LRBA: variants seen among roughly 807,000 people sequenced by gnomAD.
LRBA encodes the protein lipopolysaccharide-responsive and beige-like anchor protein.
A neutral mutation model predicts 330.0 loss-of-function variants in LRBA; 176 were observed. The ratio of observed to expected loss-of-function variants is 0.53; its 90% CI spans 0.47 to 0.60. The LOEUF (loss-of-function observed/expected upper bound fraction) is 0.60. Among genes scored for constraint, LRBA ranks in the 20% least tolerant of loss-of-function variants. The probability of loss-of-function intolerance (pLI) is 0.00; values close to 1 mark genes in which losing one functional copy is unlikely to be tolerated. For synonymous variants in LRBA, 1,230 were observed against 1,193.0 expected (o/e 1.03, Z -0.64); for missense variants, 3,259 against 3,444.8 (o/e 0.95, Z 1.35).
At chr4:150,994,062 C>T (rs1220676567) in intron 2 of LRBA, among the ~76,000 whole-genome samples, 5 of 130,472 alleles carry the variant, frequency 3.8e-5, no homozygotes, top group Non-Finnish European at 6.2e-5. Context: ...AAGACTCTGT[C>T]TCAAAAAAAA....
At chr4:150,691,663 A>T (rs1784150956) in intron 36 of LRBA, among the ~76,000 whole-genome samples, 2 of 152,206 alleles carry the variant, frequency 1.3e-5, no homozygotes, top group African/African-American at 4.8e-5. Flanking sequence ...GCTTAAACAT[A>T]TACTTACAGT....
chr4:150,431,440 C>T (rs999841124), intron 46 of LRBA, among the ~76,000 whole-genome samples: 1 of 152,074 alleles, frequency 6.6e-6, no homozygotes, highest in Non-Finnish European at 1.5e-5. Context: ...TGCACTGCCC[C>T]AAGACAGCAG....
intron 2 of LRBA, among the ~76,000 whole-genome samples, chr4:151,006,647 T>C (rs1384634604): frequency 1.3e-5 from 2 of 152,114 alleles, no homozygotes; most frequent in Admixed American, 6.5e-5. Context: ...TAGGTCAGTA[T>C]GAGAAATAAA....
At chr4:150,459,775 T>A (rs1754538944) in intron 44 of LRBA, among the ~76,000 whole-genome samples, 1 of 151,906 alleles carries the variant, frequency 6.6e-6, no homozygotes, top group Admixed American at 6.6e-5. Flanking sequence ...TACAACAGCA[T>A]CCATGTTTGA....
chr4:150,375,689 C>T (rs759393181), intron 47 of LRBA, among the ~76,000 whole-genome samples: 16 of 151,526 alleles, frequency 1.1e-4, no homozygotes, highest in African/African-American at 3.9e-4. Context: ...CTCCTGACCT[C>T]GTGATCCGCT....
chr4:150,395,444 G>A (rs1744597705), intron 47 of LRBA, among the ~76,000 whole-genome samples: 1 of 152,020 alleles, frequency 6.6e-6, no homozygotes, highest in South Asian at 2.1e-4. Context: ...CTCTGTCATT[G>A]TTTTAACTAA....
At chr4:150,730,861 T>C (rs182487561) in intron 36 of LRBA, among the ~76,000 whole-genome samples, 3 of 149,478 alleles carry the variant, frequency 2.0e-5, no homozygotes, top group Non-Finnish European at 4.5e-5. Context: ...CTACTACAAA[T>C]AGAAAAATTA....
chr4:150,597,027 A>G (rs963856918), intron 38 of LRBA: 8 of 891,710 alleles, frequency 9.0e-6, no homozygotes, highest in Non-Finnish European at 1.4e-5. Context: ...TGTTTTTAAC[A>G]TTTTGGAGTA....
chr4:150,558,446 G>C (rs183377799), intron 40 of LRBA, among the ~76,000 whole-genome samples: 1 of 152,036 alleles, frequency 6.6e-6, no homozygotes, highest in African/African-American at 2.4e-5. Flanking sequence ...AAATTATTTT[G>C]ACTTTGACTA....
intron 52 of LRBA, among the ~76,000 whole-genome samples, chr4:150,309,873 A>G (rs115443565): frequency 0.025 from 3,793 of 152,240 alleles, 76 homozygotes; most frequent in Non-Finnish European, 0.039. Context: ...AAATAATACA[A>G]AAGTGAGAAA....
chr4:150,638,707 G>T (rs1354234482), intron 37 of LRBA, among the ~76,000 whole-genome samples: 4 of 143,506 alleles, frequency 2.8e-5, no homozygotes, highest in Admixed American at 1.4e-4. Flanking sequence ...GAAACAACAG[G>T]TGCTGGAGAG....
chr4:150,873,533 G>C (rs1753670751), intron 17 of LRBA, among the ~76,000 whole-genome samples: 1 of 151,620 alleles, frequency 6.6e-6, no homozygotes, highest in Non-Finnish European at 1.5e-5. Flanking sequence ...GAGGTTGCAG[G>C]GAGCCGAGAT....
Position 150,928,634 on chromosome 4 carries a change from C to T in LRBA, c.449-18G>A, listed in dbSNP as rs761714328. On this transcript the variant is annotated intron_variant, in intron 3 of 56. Coordinates refer to ENST00000651943, the MANE Select transcript of LRBA (RefSeq NM_001364905.1). ...CAAAAGATCTGGAAACAAAAGAAAA[C>T]GATAAAATAACTCAGCTAGTTATAT... The T allele has an allele frequency of 1.1e-5, 17 of 1,576,406 alleles. No individual in the cohort carries two copies. The highest frequency in any genetic ancestry group is 5.4e-5 in the African/African-American group (4 of 73,740).
intron 46 of LRBA, among the ~76,000 whole-genome samples, chr4:150,431,738 T>C (rs1381616871): frequency 6.6e-6 from 1 of 152,164 alleles, no homozygotes; most frequent in African/African-American, 2.4e-5. Context: ...ATATTTCCAT[T>C]GGAGAGTCGC....
chr4:150,470,545 T>G (rs919366201), intron 43 of LRBA, among the ~76,000 whole-genome samples: 2 of 152,084 alleles, frequency 1.3e-5, no homozygotes, highest in African/African-American at 4.8e-5. Context: ...GTTCCGAATA[T>G]CCTCCTTGAC....
At chr4:150,492,443 A>G (rs907562105) in intron 40 of LRBA, among the ~76,000 whole-genome samples, 4 of 152,144 alleles carry the variant, frequency 2.6e-5, no homozygotes, top group African/African-American at 9.7e-5. Context: ...TGAACAGGAA[A>G]CGAGAGGACA....
chr4:150,680,837 C>T (rs779524925), intron 37 of LRBA, among the ~76,000 whole-genome samples: 1 of 152,076 alleles, frequency 6.6e-6, no homozygotes, highest in Non-Finnish European at 1.5e-5. Flanking sequence ...ACTGCCGATC[C>T]CAGGCCAGCT....
At chr4:150,740,858 TAA>T (rs1252014567) in intron 35 of LRBA, among the ~76,000 whole-genome samples, 1 of 152,000 alleles carries the variant, frequency 6.6e-6, no homozygotes, top group Non-Finnish European at 1.5e-5. Context: ...GAGACATTCT[TAA>T]AGAGGGGAAG....
At chr4:150,485,747 G>A (rs1207762018) in intron 42 of LRBA, among the ~76,000 whole-genome samples, 1 of 151,916 alleles carries the variant, frequency 6.6e-6, no homozygotes, top group African/African-American at 2.4e-5. Flanking sequence ...CATTTCTGTT[G>A]TTTAAGCCAC....
Sources: gnomAD v4.1 joint callset for allele counts (sites outside exome capture counted in the v4.1 genomes callset) on GRCh38, gnomAD v4.1.1 for gene constraint, MANE v1.5 for transcripts, NCBI Gene and HGNC (gene_info 2026-07-23, HGNC 2026-07-21) for gene names.